The following CCBE1 variants were observed in gnomAD, a reference collection of about 807,000 sequenced individuals.
The protein encoded by CCBE1 is collagen and calcium binding EGF domains 1.
CCBE1 carries 37 observed loss-of-function variants against 50.0 expected under a neutral mutation model. The observed-to-expected ratio is 0.74, with a 90% CI of 0.57 to 0.97. The LOEUF (loss-of-function observed/expected upper bound fraction) is 0.97. CCBE1 is among the 50% of genes least tolerant of loss of function. The pLI is 0.00. For synonymous variants in CCBE1, 234 were observed against 203.7 expected (o/e 1.15, Z -1.27); for missense variants, 538 against 523.8 (o/e 1.03, Z -0.26).
intron 2 of CCBE1, among the ~76,000 whole-genome samples, chr18:59,514,300 G>A (rs561814108): frequency 6.6e-6 from 1 of 152,136 alleles, no homozygotes; most frequent in Non-Finnish European, 1.5e-5. Context: ...CGTTTAATAA[G>A]TGCTGACTGC....
chr18:59,622,614 A>C (rs1482906208), intron 2 of CCBE1, among the ~76,000 whole-genome samples: 1 of 151,712 alleles, frequency 6.6e-6, no homozygotes, highest in African/African-American at 2.4e-5. Context: ...CAGCCTGACC[A>C]ACGTGGTGAA....
intron 2 of CCBE1, among the ~76,000 whole-genome samples, chr18:59,690,791 C>G (rs1378938256): frequency 6.6e-6 from 1 of 152,208 alleles, no homozygotes; most frequent in Non-Finnish European, 1.5e-5. Flanking sequence ...AACACCTGTT[C>G]TTGTGGGAAG....
intron 2 of CCBE1, among the ~76,000 whole-genome samples, chr18:59,662,971 T>C (rs913139722): frequency 1.3e-5 from 2 of 152,164 alleles, no homozygotes; most frequent in Admixed American, 6.5e-5. Context: ...AGGCTCACTA[T>C]AGCAAAACAA....
intron 2 of CCBE1, among the ~76,000 whole-genome samples, chr18:59,500,440 G>A (rs1913564506): frequency 6.6e-6 from 1 of 152,188 alleles, no homozygotes; most frequent in African/African-American, 2.4e-5. Context: ...GCTGAAGCGT[G>A]TGCTGAACTG....
chr18:59,686,555 G>T lies in CCBE1; in HGVS notation c.212+10074C>A, dbSNP rs75711174. ...GTCCTCACACACAGGGCAATCTGAG[G>T]CACTCATCAGACAGTACTTGATGCT... On this transcript the variant is annotated intron_variant, in intron 2 of 10. Coordinates refer to ENST00000439986, the MANE Select transcript of CCBE1 (RefSeq NM_133459.4). Among the ~76,000 whole-genome samples, 1,050 of 152,298 alleles carry T rather than the reference G, an allele frequency of 6.9e-3. 17 individuals carry two copies. Among genetic ancestry groups the T allele is most frequent in the African/African-American group, 0.024 (1,011 of 41,552 alleles).
intron 4 of CCBE1, among the ~76,000 whole-genome samples, chr18:59,467,125 G>C (rs1411057635): frequency 1.3e-5 from 2 of 152,208 alleles, no homozygotes; most frequent in Non-Finnish European, 2.9e-5. Context: ...TCCTGGCTGT[G>C]GCTCTGCCAC....
chr18:59,634,448 C>A (rs1215126100), intron 2 of CCBE1, among the ~76,000 whole-genome samples: 1 of 152,190 alleles, frequency 6.6e-6, no homozygotes, highest in Non-Finnish European at 1.5e-5. Context: ...AGGTATCTGG[C>A]AGAAGCAAAC....
chr18:59,690,725 T>A (rs770300179), intron 2 of CCBE1, among the ~76,000 whole-genome samples: 2 of 152,220 alleles, frequency 1.3e-5, no homozygotes, highest in African/African-American at 2.4e-5. Flanking sequence ...TTCCAATTAC[T>A]CCGTATTGTT....
In CCBE1 at chr18:59,469,566, T is replaced by C; in HGVS notation, c.307A>G (p.Thr103Ala). The stretch of plus-strand genomic sequence containing the variant: ...CACAGCACTCGGCCAAAGTTGTCCG[T>C]GCACTGCTGTTCACAGGGAGCCTCG... The part of the protein sequence containing the change: ...CAEAPCEQQC[T>A]DNFGRVLCTC... The change falls in exon 4 of 11, where the codon ACG becomes GCG. Residue 103 changes from threonine (T) to alanine (A), a missense_variant. Thr to Ala is a moderately conservative substitution (Grantham distance 58). Coordinates refer to ENST00000439986, the MANE Select transcript of CCBE1 (RefSeq NM_133459.4). The C allele has an allele frequency of 6.2e-7, 1 of 1,614,184 alleles. No individual in the cohort carries two copies. Among genetic ancestry groups the C allele is most frequent in the Non-Finnish European group, 8.5e-7 (1 of 1,180,028 alleles).
At chr18:59,683,425 G>A (rs541935408) in intron 2 of CCBE1, among the ~76,000 whole-genome samples, 1 of 152,342 alleles carries the variant, frequency 6.6e-6, no homozygotes, top group South Asian at 2.1e-4. Flanking sequence ...GCCAGGCGGG[G>A]TGGCTCACGC....
chr18:59,663,850 A>T (rs1406941229), intron 2 of CCBE1, among the ~76,000 whole-genome samples: 1 of 152,174 alleles, frequency 6.6e-6, no homozygotes, highest in East Asian at 1.9e-4. Flanking sequence ...AACTCCCAAG[A>T]TTCCAGTTTG....
At chr18:59,674,419 T>C (rs2054472149) in intron 2 of CCBE1, among the ~76,000 whole-genome samples, 1 of 151,764 alleles carries the variant, frequency 6.6e-6, no homozygotes, top group South Asian at 2.1e-4. Flanking sequence ...AGTTGAACAA[T>C]GAGAACACAT....
At chr18:59,470,944 T>C (rs982994391) in intron 3 of CCBE1, among the ~76,000 whole-genome samples, 4 of 152,202 alleles carry the variant, frequency 2.6e-5, no homozygotes, top group African/African-American at 9.6e-5. Flanking sequence ...CTTCCCATGA[T>C]TGTGATTTCA....
At chr18:59,478,377 T>G (rs1218865046) in intron 3 of CCBE1, among the ~76,000 whole-genome samples, 5 of 152,212 alleles carry the variant, frequency 3.3e-5, no homozygotes, top group Non-Finnish European at 7.4e-5. Flanking sequence ...CATTCTTTGA[T>G]GATAGAAACA....
chr18:59,596,565 C>T (rs2053353611), intron 2 of CCBE1, among the ~76,000 whole-genome samples: 1 of 152,194 alleles, frequency 6.6e-6, no homozygotes, highest in African/African-American at 2.4e-5. Flanking sequence ...CAGCAAATAA[C>T]TTCAGTCTTA....
At chr18:59,568,621 C>T (rs958517142) in intron 2 of CCBE1, 2 of 152,186 alleles carry the variant, frequency 1.3e-5, no homozygotes, top group African/African-American at 4.8e-5. Context: ...AGATAGGCTG[C>T]ATCTGCTCAG....
chr18:59,448,668 C>T (rs148674759), intron 6 of CCBE1, among the ~76,000 whole-genome samples: 32 of 152,298 alleles, frequency 2.1e-4, no homozygotes, highest in Non-Finnish European at 3.4e-4. Flanking sequence ...TTTGTGATCA[C>T]GGGAGTCAAT....
intron 2 of CCBE1, among the ~76,000 whole-genome samples, chr18:59,550,236 C>T (rs1262337386): frequency 6.6e-6 from 1 of 152,126 alleles, no homozygotes; most frequent in African/African-American, 2.4e-5. Flanking sequence ...AACTATGACC[C>T]ATGGACCAAA....
Position 59,433,627 on chromosome 18 carries a change from CAG to C in CCBE1, c.*2279_*2280del. The C allele has an allele frequency of 1.4e-5, 2 of 148,042 alleles. No individual in the cohort carries two copies. 9.2% of individuals were successfully genotyped at this position (148,042 alleles called of 1,614,324 possible). A position where few individuals can be genotyped will look rare whatever the true frequency, so the allele number is the denominator to read the frequency against. On this transcript the variant is annotated 3_prime_UTR_variant, in exon 11 of 11. Coordinates refer to ENST00000439986, the MANE Select transcript of CCBE1 (RefSeq NM_133459.4). ...AAGGGATATTTTTTTTTTTTTGAGA[CAG>C]AGTCTCGCTCTGTCGCCCAGGCTGG...
Sources: gnomAD v4.1 joint callset for allele counts (sites outside exome capture counted in the v4.1 genomes callset) on GRCh38, gnomAD v4.1.1 for gene constraint, MANE v1.5 for transcripts, NCBI Gene and HGNC (gene_info 2026-07-23, HGNC 2026-07-21) for gene names.